The following NUBPL variants were observed in gnomAD, a reference collection of about 807,000 sequenced individuals.
The protein encoded by NUBPL is iron-sulfur cluster transfer protein NUBPL.
A neutral mutation model predicts 45.7 loss-of-function variants in NUBPL; 31 were observed. The ratio of observed to expected loss-of-function variants is 0.68; its 90% CI spans 0.51 to 0.92. The LOEUF (loss-of-function observed/expected upper bound fraction) is 0.92, where lower values mean the gene tolerates loss of function less well. NUBPL is among the 40% of genes least tolerant of loss of function. The pLI is 0.00. For synonymous variants in NUBPL, 144 were observed against 140.9 expected, an observed-to-expected ratio of 1.02 and a Z score of -0.15; for missense variants, 401 against 398.7, an observed-to-expected ratio of 1.01 and a Z score of -0.05.
intron 4 of NUBPL, among the ~76,000 whole-genome samples, chr14:31,638,103 T>C (rs991816483): frequency 6.6e-6 from 1 of 152,178 alleles, no homozygotes; most frequent in African/African-American, 2.4e-5. Flanking sequence ...AAGTTAATAT[T>C]GTTATGTGTG....
chr14:31,720,860 G>A (rs553166232), intron 6 of NUBPL, among the ~76,000 whole-genome samples: 65 of 152,248 alleles, frequency 4.3e-4, no homozygotes, highest in African/African-American at 1.5e-3. Context: ...GGACAGCACT[G>A]CTATAAAGTC....
At chr14:31,709,737 AG>A (rs1426960802) in intron 6 of NUBPL, among the ~76,000 whole-genome samples, 1 of 152,194 alleles carries the variant, frequency 6.6e-6, no homozygotes, top group Non-Finnish European at 1.5e-5. Context: ...ACATGTACCC[AG>A]GTTGGGCCAA....
intron 7 of NUBPL, among the ~76,000 whole-genome samples, chr14:31,821,294 A>C (rs2040014438): frequency 6.6e-6 from 1 of 152,200 alleles, no homozygotes; most frequent in South Asian, 2.1e-4. Flanking sequence ...CTCAACTGAC[A>C]AAGGATTTAT....
intron 6 of NUBPL, among the ~76,000 whole-genome samples, chr14:31,773,711 T>C (rs1238506462): frequency 6.6e-6 from 1 of 152,196 alleles, no homozygotes; most frequent in Non-Finnish European, 1.5e-5. Context: ...GGTAGGACTA[T>C]ACCTAACTGA....
chr14:31,756,836 T>A (rs1267708798), intron 6 of NUBPL, among the ~76,000 whole-genome samples: 13 of 151,566 alleles, frequency 8.6e-5, no homozygotes, highest in African/African-American at 2.2e-4. Flanking sequence ...TGGCTGTGGG[T>A]TTGTCATAGA....
intron 7 of NUBPL, among the ~76,000 whole-genome samples, chr14:31,816,379 C>A (rs919561332): frequency 5.3e-5 from 8 of 151,870 alleles, no homozygotes; most frequent in African/African-American, 1.9e-4. Context: ...TGGTGATATC[C>A]CCTTTATCAT....
At chr14:31,627,691 G>A (rs1357578091) in intron 4 of NUBPL, among the ~76,000 whole-genome samples, 4 of 151,262 alleles carry the variant, frequency 2.6e-5, no homozygotes, top group African/African-American at 7.3e-5. Flanking sequence ...GCATGAACCC[G>A]GGAGGCAGAG....
intron 10 of NUBPL, among the ~76,000 whole-genome samples, chr14:31,850,602 C>T (rs1289860096): frequency 6.8e-6 from 1 of 147,526 alleles, no homozygotes; most frequent in Non-Finnish European, 1.5e-5. Context: ...TTGTGTAAAC[C>T]ATTAGAGGTG....
intron 7 of NUBPL, among the ~76,000 whole-genome samples, chr14:31,799,870 G>A (rs974647588): frequency 6.6e-6 from 1 of 152,164 alleles, no homozygotes; most frequent in Non-Finnish European, 1.5e-5. Flanking sequence ...CTTCCTTTCA[G>A]GAAAGATAGC....
At chr14:31,810,284 T>C (rs1196244254) in intron 7 of NUBPL, among the ~76,000 whole-genome samples, 2 of 152,108 alleles carry the variant, frequency 1.3e-5, no homozygotes, top group Non-Finnish European at 1.5e-5. Flanking sequence ...GGGCTTGCTT[T>C]ATGAATCTGG....
At chr14:31,682,900 G>T (rs2036864478) in intron 6 of NUBPL, among the ~76,000 whole-genome samples, 1 of 152,130 alleles carries the variant, frequency 6.6e-6, no homozygotes, top group South Asian at 2.1e-4. Flanking sequence ...ACCAACATCT[G>T]CTTCTGGTGA....
At chr14:31,708,501 G>C (rs981531914) in intron 6 of NUBPL, among the ~76,000 whole-genome samples, 7 of 152,118 alleles carry the variant, frequency 4.6e-5, no homozygotes, top group African/African-American at 1.7e-4. Context: ...CTCTAATAAG[G>C]GTGTGGGACT....
At chr14:31,618,898 C>A (rs998249980) in intron 4 of NUBPL, among the ~76,000 whole-genome samples, 1 of 152,118 alleles carries the variant, frequency 6.6e-6, no homozygotes, top group Admixed American at 6.6e-5. Context: ...GTTAAAGTGT[C>A]CCACTATTAT....
At chr14:31,692,338 G>A (rs2037112964) in intron 6 of NUBPL, among the ~76,000 whole-genome samples, 1 of 152,098 alleles carries the variant, frequency 6.6e-6, no homozygotes, top group African/African-American at 2.4e-5. Flanking sequence ...AATGAGAAAA[G>A]TCTTTTCTTA....
chr14:31,655,532 G>A (rs1209903027), intron 4 of NUBPL, among the ~76,000 whole-genome samples: 1 of 152,086 alleles, frequency 6.6e-6, no homozygotes, highest in African/African-American at 2.4e-5. Context: ...GGGCAACATG[G>A]CAAAACCCCG....
intron 4 of NUBPL, among the ~76,000 whole-genome samples, chr14:31,626,010 A>G (rs1170832037): frequency 1.3e-5 from 2 of 152,210 alleles, no homozygotes; most frequent in Non-Finnish European, 2.9e-5. Flanking sequence ...GATCATGTTT[A>G]TCTTTTTAAT....
At chr14:31,826,533 G>A (rs979785438) in intron 7 of NUBPL, 96 bp from the exon 8 acceptor site, 6 of 996,642 alleles carry the variant, frequency 6.0e-6, no homozygotes, top group South Asian at 2.7e-5. Flanking sequence ...AATAGTTAAC[G>A]TAATAGACTA....
At chr14:31,666,263 A>ATATATATATTT in intron 4 of NUBPL, among the ~76,000 whole-genome samples, 1 of 111,888 alleles carries the variant, frequency 8.9e-6, no homozygotes, top group African/African-American at 3.1e-5. Flanking sequence ...ATATATATAT[A>ATATATATATTT]ATTTTATTTT....
chr14:31,802,513 T>C (rs992248285), intron 7 of NUBPL, among the ~76,000 whole-genome samples: 4 of 152,100 alleles, frequency 2.6e-5, no homozygotes, highest in Non-Finnish European at 4.4e-5. Context: ...CCTGACCTCG[T>C]GATCCACCCA....
Sources: allele counts gnomAD v4.1 joint callset (sites outside exome capture counted in the v4.1 genomes callset), GRCh38; gene constraint gnomAD v4.1.1; transcripts MANE v1.5; gene names NCBI Gene and HGNC (gene_info 2026-07-23, HGNC 2026-07-21).